The following SNTG1 variants were observed in gnomAD, a reference collection of about 807,000 sequenced individuals.
The protein encoded by SNTG1 is gamma-1-syntrophin.
A neutral mutation model predicts 74.7 loss-of-function variants in SNTG1; 39 were observed. The observed-to-expected ratio is 0.52, with a 90% CI of 0.40 to 0.68. The LOEUF is 0.68. Ranked by LOEUF, SNTG1 falls within the 30% of genes least tolerant of loss-of-function variation. The probability of loss-of-function intolerance (pLI) is 0.00; values close to 1 mark genes in which losing one functional copy is unlikely to be tolerated. For missense variants in SNTG1, 685 were observed against 609.5 expected, an observed-to-expected ratio of 1.12 and a Z score of -1.30; for synonymous variants, 254 against 217.1, an observed-to-expected ratio of 1.17 and a Z score of -1.49.
chr8:50,146,186 T>A (rs932836779), intron 1 of SNTG1, among the ~76,000 whole-genome samples: 2 of 152,076 alleles, frequency 1.3e-5, no homozygotes, highest in Non-Finnish European at 2.9e-5. Context: ...TGTATGTGTG[T>A]GAACATGCTT....
chr8:50,461,159 G>A (rs1412788391), intron 8 of SNTG1, among the ~76,000 whole-genome samples: 1 of 6,292 alleles, frequency 1.6e-4, no homozygotes, highest in African/African-American at 2.6e-4. Context: ...TTTTTCTGGT[G>A]TGTGTGTGTG....
chr8:50,748,367 A>G (rs1032247810), intron 17 of SNTG1, among the ~76,000 whole-genome samples: 1 of 151,980 alleles, frequency 6.6e-6, no homozygotes, highest in African/African-American at 2.4e-5. Context: ...AAGGGGTACT[A>G]CTTTCTCATT....
At chr8:50,301,629 T>C (rs1230205752) in intron 2 of SNTG1, among the ~76,000 whole-genome samples, 1 of 152,138 alleles carries the variant, frequency 6.6e-6, no homozygotes, top group African/African-American at 2.4e-5. Context: ...CTTATTTTTT[T>C]CTGGAAACTG....
intron 13 of SNTG1, among the ~76,000 whole-genome samples, chr8:50,649,458 C>T (rs2095130797): frequency 6.6e-6 from 1 of 152,170 alleles, no homozygotes; most frequent in African/African-American, 2.4e-5. Flanking sequence ...GAGATTGTGC[C>T]ACTGGACTCC....
intron 2 of SNTG1, among the ~76,000 whole-genome samples, chr8:50,262,704 C>T (rs1267183551): frequency 1.3e-5 from 2 of 152,056 alleles, no homozygotes; most frequent in African/African-American, 2.4e-5. Flanking sequence ...CCACCGCGCC[C>T]GGCCCGAAAT....
chr8:50,288,294 T>C (rs894767372), intron 2 of SNTG1, among the ~76,000 whole-genome samples: 8 of 152,142 alleles, frequency 5.3e-5, no homozygotes, highest in Non-Finnish European at 2.9e-5. Context: ...TTTTTAATTG[T>C]TTTACAAAAA....
At chr8:49,959,545 A>C (rs1810494853) in intron 1 of SNTG1, among the ~76,000 whole-genome samples, 2 of 152,212 alleles carry the variant, frequency 1.3e-5, no homozygotes, top group South Asian at 4.1e-4. Context: ...ATCATACAAT[A>C]TATGTGTTTT....
chr8:50,357,682 G>A (rs1008770817), intron 2 of SNTG1, among the ~76,000 whole-genome samples: 1 of 152,154 alleles, frequency 6.6e-6, no homozygotes, highest in Non-Finnish European at 1.5e-5. Flanking sequence ...ATGTTTATCT[G>A]TTTTCCAGAA....
intron 15 of SNTG1, among the ~76,000 whole-genome samples, chr8:50,672,046 G>T (rs1467307491): frequency 4.2e-5 from 5 of 119,462 alleles, no homozygotes; most frequent in African/African-American, 1.6e-4. Flanking sequence ...GACTGTTGTG[G>T]GGTGGGGGGA....
At chr8:50,312,610 T>C (rs1359649545) in intron 2 of SNTG1, among the ~76,000 whole-genome samples, 1 of 149,670 alleles carries the variant, frequency 6.7e-6, no homozygotes, top group Non-Finnish European at 1.5e-5. Flanking sequence ...AGTTCTACGA[T>C]TATGAAAAAT....
At chr8:50,090,801 C>A (rs986908595) in intron 1 of SNTG1, among the ~76,000 whole-genome samples, 15 of 151,946 alleles carry the variant, frequency 9.9e-5, no homozygotes, top group African/African-American at 2.7e-4. Flanking sequence ...CTAGTTAGAA[C>A]CTGAGACACA....
At chr8:50,295,488 T>A (rs997507476) in intron 2 of SNTG1, among the ~76,000 whole-genome samples, 4 of 152,174 alleles carry the variant, frequency 2.6e-5, no homozygotes, top group African/African-American at 4.8e-5. Context: ...CAGAGCAGTG[T>A]TTCATTGAAC....
intron 18 of SNTG1, among the ~76,000 whole-genome samples, chr8:50,772,885 TTC>T (rs1380560899): frequency 6.6e-6 from 1 of 152,042 alleles, no homozygotes; most frequent in African/African-American, 2.4e-5. Flanking sequence ...CTTCCTCAGT[TTC>T]TCTGTCTTGC....
chr8:50,569,667 A>G (rs1246162488), intron 12 of SNTG1, among the ~76,000 whole-genome samples: 1 of 152,208 alleles, frequency 6.6e-6, no homozygotes, highest in Non-Finnish European at 1.5e-5. Flanking sequence ...AAAATGAACT[A>G]AAGACTGTGA....
chr8:50,464,978 A>C (rs569447693), intron 8 of SNTG1, among the ~76,000 whole-genome samples: 1 of 151,618 alleles, frequency 6.6e-6, no homozygotes, highest in African/African-American at 2.4e-5. Flanking sequence ...GCTCTGATAG[A>C]CTTTCTCCAC....
intron 2 of SNTG1, among the ~76,000 whole-genome samples, chr8:50,301,118 A>T (rs918058827): frequency 1.3e-5 from 2 of 152,058 alleles, no homozygotes; most frequent in African/African-American, 2.4e-5. Context: ...AATATTTTTC[A>T]TCAACTGTGG....
At chr8:50,681,675 G>A (rs746428850) in intron 15 of SNTG1, among the ~76,000 whole-genome samples, 19 of 152,174 alleles carry the variant, frequency 1.2e-4, no homozygotes, top group Non-Finnish European at 1.3e-4. Flanking sequence ...CTCAGAATGA[G>A]CCAGCAATGC....
intron 4 of SNTG1, among the ~76,000 whole-genome samples, chr8:50,436,057 C>T (rs1166743360): frequency 6.6e-6 from 1 of 152,080 alleles, no homozygotes; most frequent in African/African-American, 2.4e-5. Flanking sequence ...TTCCTCATGG[C>T]CAATTATTGC....
At chr8:50,140,334 T>C (rs2081614600) in intron 1 of SNTG1, among the ~76,000 whole-genome samples, 1 of 152,216 alleles carries the variant, frequency 6.6e-6, no homozygotes. Context: ...CTTCTGAGCC[T>C]AATGAACTGC....
Sources: allele counts gnomAD v4.1 joint callset (sites outside exome capture counted in the v4.1 genomes callset), GRCh38; gene constraint gnomAD v4.1.1; transcripts MANE v1.5; gene names NCBI Gene and HGNC (gene_info 2026-07-23, HGNC 2026-07-21).